CUBN: variants seen among roughly 807,000 people sequenced by gnomAD.
The protein encoded by CUBN is 460 kDa receptor.
In CUBN, 282 loss-of-function variants were observed where a neutral mutation model predicts 405.3. The ratio of observed to expected loss-of-function variants is 0.70; its 90% confidence interval spans 0.63 to 0.77. The LOEUF (loss-of-function observed/expected upper bound fraction) is 0.77, where lower values mean the gene tolerates loss of function less well. Ranked by LOEUF, CUBN falls within the 30% of genes least tolerant of loss-of-function variation. The pLI, the probability that CUBN is intolerant of heterozygous loss-of-function variation, is 0.00. For synonymous variants in CUBN, 1,684 were observed against 1,617.0 expected (o/e 1.04, Z -0.99); for missense variants, 4,514 against 4,475.2 (o/e 1.01, Z -0.25).
chr10:16,852,001 T>A (rs1415209721), intron 59 of CUBN, among the ~76,000 whole-genome samples: 1 of 94,162 alleles, frequency 1.1e-5, no homozygotes, highest in Non-Finnish European at 2.0e-5. Context: ...TCCCTCCCTC[T>A]ATCTTTGCCT....
At chr10:17,129,364 T>C (rs1837269046) in intron 1 of CUBN, 114 bp from the exon 2 acceptor site, 1 of 1,270,644 alleles carries the variant, frequency 7.9e-7, no homozygotes, top group Admixed American at 1.8e-5. Context: ...CACTTTTTGA[T>C]CATCTCAACC....
chr10:17,040,460 A>C (rs1403933874), intron 27 of CUBN, among the ~76,000 whole-genome samples: 1 of 152,204 alleles, frequency 6.6e-6, no homozygotes, highest in Non-Finnish European at 1.5e-5. Context: ...TCTTATTGCA[A>C]AAATAACATA....
At chr10:17,105,204 A>G (rs1373965438) in intron 11 of CUBN, among the ~76,000 whole-genome samples, 1 of 152,208 alleles carries the variant, frequency 6.6e-6, no homozygotes, top group Non-Finnish European at 1.5e-5. Context: ...ATTGTTTTGT[A>G]TGTCAGATTT....
At chr10:16,891,952 A>G (rs961399706) in intron 54 of CUBN, among the ~76,000 whole-genome samples, 2 of 152,188 alleles carry the variant, frequency 1.3e-5, no homozygotes, top group African/African-American at 4.8e-5. Context: ...ATGTAGTTGG[A>G]TGTGTATTAA....
intron 65 of CUBN, among the ~76,000 whole-genome samples, chr10:16,830,668 C>T (rs1462486756): frequency 6.6e-6 from 1 of 152,080 alleles, no homozygotes; most frequent in African/African-American, 2.4e-5. Flanking sequence ...CCTTGATGGT[C>T]AAGCCAAAAG....
intron 17 of CUBN, among the ~76,000 whole-genome samples, chr10:17,081,012 T>C (rs1028877857): frequency 2.0e-5 from 3 of 151,994 alleles, no homozygotes; most frequent in African/African-American, 7.2e-5. Flanking sequence ...GAGAGATATA[T>C]AAATCTAAGA....
rs75147543 is a variant in CUBN at position 17,102,884 on chromosome 10, C to T, written c.1530+241G>A. 4.6e-4 allele frequency among the ~76,000 whole-genome samples: 70 copies of T among 152,158 alleles called. No individual in the cohort carries two copies. In the East Asian group the frequency reaches 0.012, roughly 26 times the overall value. On this transcript the variant is annotated intron_variant, in intron 13 of 66. Coordinates refer to ENST00000377833, the MANE Select transcript of CUBN (RefSeq NM_001081.4). ...GCACCCACCTCATCCTCTCAAAGTGCTGGGATTACAGGCAAGAGCTACTGC... is the reference window on the plus strand; with the variant it reads ...GCACCCACCTCATCCTCTCAAAGTGTTGGGATTACAGGCAAGAGCTACTGC...
chr10:16,878,816 T>C (rs969215714), intron 56 of CUBN, among the ~76,000 whole-genome samples: 7 of 152,234 alleles, frequency 4.6e-5, no homozygotes, highest in Admixed American at 3.3e-4. Context: ...AATCATGCAA[T>C]ATGTGACCTT....
chr10:16,950,177 C>A, intron 33 of CUBN, 66 bp from the exon 34 acceptor site: 1 of 1,108,550 alleles, frequency 9.0e-7, no homozygotes, highest in East Asian at 2.5e-5. Context: ...GGAGATGGGG[C>A]AAGACGGGGA....
At chr10:16,982,707 T>A in intron 30 of CUBN, 54 bp from the exon 31 acceptor site, 1 of 1,479,068 alleles carries the variant, frequency 6.8e-7, no homozygotes, top group South Asian at 1.2e-5. Flanking sequence ...TGCTCGAAAA[T>A]AATCCATTAC....
intron 22 of CUBN, among the ~76,000 whole-genome samples, chr10:17,049,785 T>A (rs1835221707): frequency 6.6e-6 from 1 of 152,206 alleles, no homozygotes; most frequent in South Asian, 2.1e-4. Flanking sequence ...CATTTAAGGT[T>A]GGCTGAAACC....
At chr10:16,899,349 A>C (rs1261913882) in intron 53 of CUBN, among the ~76,000 whole-genome samples, 166 bp from the exon 54 acceptor site, 2 of 152,242 alleles carry the variant, frequency 1.3e-5, no homozygotes. Flanking sequence ...CATAAATGGA[A>C]AGGTGAGTTA....
At chr10:17,080,795 A>G (rs1020026989) in intron 17 of CUBN, among the ~76,000 whole-genome samples, 2 of 152,330 alleles carry the variant, frequency 1.3e-5, no homozygotes, top group East Asian at 1.9e-4. Context: ...GGCTTAAATC[A>G]CTTATGAAAT....
At chr10:16,845,744 G>A (rs1839490033) in intron 60 of CUBN, among the ~76,000 whole-genome samples, 1 of 152,214 alleles carries the variant, frequency 6.6e-6, no homozygotes, top group Non-Finnish European at 1.5e-5. Context: ...ATAGGAACGT[G>A]ATGCCTTCCA....
At chr10:16,913,336 T>A (rs537876505) in intron 48 of CUBN, among the ~76,000 whole-genome samples, 2 of 152,352 alleles carry the variant, frequency 1.3e-5, no homozygotes, top group East Asian at 3.9e-4. Context: ...CTGAGAGTGC[T>A]GAAGACACAT....
intron 29 of CUBN, 50 bp downstream of exon 29, chr10:16,990,284 G>T: frequency 1.3e-6 from 2 of 1,566,764 alleles, no homozygotes; most frequent in Non-Finnish European, 1.8e-6. Flanking sequence ...GTGATTTCCT[G>T]TTCTACCCCA....
intron 23 of CUBN, 48 bp from the exon 24 acceptor site, chr10:17,046,142 C>T (rs1835127612): frequency 4.0e-6 from 6 of 1,518,938 alleles, no homozygotes; most frequent in Non-Finnish European, 5.5e-6. Flanking sequence ...GACAATATTA[C>T]TGTATAAACA....
At chr10:16,927,805 A>G (rs1842234647) in intron 41 of CUBN, among the ~76,000 whole-genome samples, 1 of 152,194 alleles carries the variant, frequency 6.6e-6, no homozygotes, top group South Asian at 2.1e-4. Context: ...TGCTCCTTCG[A>G]TGAGTTATGG....
chr10:17,089,255 A>G (rs1238059895), intron 14 of CUBN, among the ~76,000 whole-genome samples: 4 of 152,212 alleles, frequency 2.6e-5, no homozygotes, highest in African/African-American at 7.2e-5. Context: ...CATTGTTCCT[A>G]CTGAGAAAAC....
Sources: allele counts gnomAD v4.1 joint callset (sites outside exome capture counted in the v4.1 genomes callset), GRCh38; gene constraint gnomAD v4.1.1; transcripts MANE v1.5; gene names NCBI Gene and HGNC (gene_info 2026-07-23, HGNC 2026-07-21).